The following GAB1 variants were observed in gnomAD, a reference collection of about 807,000 sequenced individuals.
The protein encoded by GAB1 is GRB2-associated-binding protein 1.
A neutral mutation model predicts 66.5 loss-of-function variants in GAB1; 19 were observed. That is an observed-to-expected ratio of 0.29 (90% confidence interval 0.20 to 0.42). GAB1 has a LOEUF of 0.42. Among genes scored for constraint, GAB1 ranks in the 10% least tolerant of loss-of-function variants. The pLI is 1.00. For synonymous variants in GAB1, 294 were observed against 301.4 expected, an observed-to-expected ratio of 0.98 and a Z score of 0.25; for missense variants, 732 against 858.5, an observed-to-expected ratio of 0.85 and a Z score of 1.84.
intron 1 of GAB1, chr4:143,395,777 C>G (rs1347445136): frequency 2.5e-6 from 1 of 403,630 alleles, no homozygotes; most frequent in East Asian, 7.2e-5. Flanking sequence ...ATGCTGTGCC[C>G]CTTCTTTTAA....
At position 143,440,072 on chromosome 4, in the gene GAB1, G is replaced by A; in HGVS notation, c.1282-7G>A. 1 of 1,609,826 alleles carries A rather than the reference G, an allele frequency of 6.2e-7. No homozygotes were observed. Among genetic ancestry groups the A allele is most frequent in the Non-Finnish European group, 8.5e-7 (1 of 1,177,504 alleles). The stretch of plus-strand genomic sequence containing the variant: ...TGTTTATTAAAAGAAATATATATGT[G>A]TTTTAGAAAGTCAAAAATGTGTTGA... On this transcript the variant is annotated splice_region_variant and splice_polypyrimidine_tract_variant and intron_variant, in intron 5 of 9. Transcript: ENST00000262994.
intron 8 of GAB1, among the ~76,000 whole-genome samples, chr4:143,461,905 A>T (rs895987564): frequency 6.6e-6 from 1 of 152,214 alleles, no homozygotes; most frequent in African/African-American, 2.4e-5. Context: ...GTCAGGAAAC[A>T]TAATTCAGTG....
chr4:143,364,183 C>T (rs375932274), intron 1 of GAB1, among the ~76,000 whole-genome samples: 3 of 145,644 alleles, frequency 2.1e-5, no homozygotes, highest in East Asian at 4.0e-4. Context: ...AGGGAAACTT[C>T]GTCTCCAAAA....
intron 1 of GAB1, among the ~76,000 whole-genome samples, chr4:143,348,828 T>G (rs184077871): frequency 6.6e-6 from 1 of 152,226 alleles, no homozygotes; most frequent in Non-Finnish European, 1.5e-5. Flanking sequence ...TCAGCTATAC[T>G]GAACTTTCAT....
intron 1 of GAB1, among the ~76,000 whole-genome samples, chr4:143,340,505 G>T (rs1048145285): frequency 6.6e-6 from 1 of 151,794 alleles, no homozygotes; most frequent in African/African-American, 2.4e-5. Flanking sequence ...AATTGTTTTA[G>T]TTTTTTTTAA....
At position 143,413,824 on chromosome 4, in the gene GAB1, C is replaced by CCTTTTTTTTTTTTTT. The variant is rs61697817; in HGVS notation, c.73-1653_73-1652insCTTTTTTTTTTTTTT. Among the ~76,000 whole-genome samples the CCTTTTTTTTTTTTTT allele has an allele frequency of 1.6e-4, 11 of 67,828 alleles. 1 individual carries two copies. Among genetic ancestry groups the CCTTTTTTTTTTTTTT allele is most frequent in the African/African-American group, 1.0e-3 (11 of 10,620 alleles). 44.5% of individuals were successfully genotyped at this position (67,828 alleles called of 152,430 possible). On this transcript the variant is annotated intron_variant, in intron 1 of 9. Coordinates refer to ENST00000262994, the MANE Select transcript of GAB1 (RefSeq NM_002039.4). ...AGAGCATCCCCACCACCCCGCTGCCCTTTTTTTTTTTTTTTTTTTTTTTTG... is the reference window on the plus strand; with the variant it reads ...AGAGCATCCCCACCACCCCGCTGCCCCTTTTTTTTTTTTTTTTTTTTTTTTTTTTTTTTTTTTTTG...
chr4:143,431,114 TACACAG>T (rs1242559648), intron 2 of GAB1, among the ~76,000 whole-genome samples: 1 of 152,106 alleles, frequency 6.6e-6, no homozygotes, highest in African/African-American at 2.4e-5. Flanking sequence ...CATATATAGC[TACACAG>T]ACAGGCAGAA....
chr4:143,440,622 G>A (rs891079628), intron 6 of GAB1, among the ~76,000 whole-genome samples: 2 of 152,176 alleles, frequency 1.3e-5, no homozygotes, highest in Non-Finnish European at 2.9e-5. Flanking sequence ...GTTACAAGCT[G>A]AAATACTCAC....
Position 143,472,214 on chromosome 4 carries a change from A to G in GAB1, c.*3025A>G, listed in dbSNP as rs1281175242. 1.3e-5 allele frequency: 2 copies of G among 152,172 alleles called. No homozygotes were observed. The highest frequency in any genetic ancestry group is 2.9e-5 in the Non-Finnish European group (2 of 68,006). 9.4% of individuals were successfully genotyped at this position (152,172 alleles called of 1,614,324 possible). Reference sequence around the variant, plus strand: ...ATACATCTTTATCATTATCAATACTATATAAGTTACTGTGAGCATTTTAGA... The same window carrying G: ...ATACATCTTTATCATTATCAATACTGTATAAGTTACTGTGAGCATTTTAGA... On this transcript the variant is annotated 3_prime_UTR_variant, in exon 10 of 10. Coordinates refer to ENST00000262994, the MANE Select transcript of GAB1 (RefSeq NM_002039.4).
At chr4:143,464,962 A>G in intron 8 of GAB1, among the ~76,000 whole-genome samples, 1 of 152,362 alleles carries the variant, frequency 6.6e-6, no homozygotes, top group South Asian at 2.1e-4. Flanking sequence ...CATAACATGT[A>G]TAAATTTTTA....
chr4:143,343,203 G>C (rs548984126), intron 1 of GAB1, among the ~76,000 whole-genome samples: 1 of 152,132 alleles, frequency 6.6e-6, no homozygotes, highest in Admixed American at 6.5e-5. Flanking sequence ...GCAGTTTAGC[G>C]TTCCTCTTCT....
At chr4:143,370,767 C>T (rs966440778) in intron 1 of GAB1, among the ~76,000 whole-genome samples, 1 of 152,178 alleles carries the variant, frequency 6.6e-6, no homozygotes, top group Non-Finnish European at 1.5e-5. Flanking sequence ...TCTCATTGTT[C>T]AGTTCCCACC....
At chr4:143,428,443 A>G (rs1733479067) in intron 2 of GAB1, among the ~76,000 whole-genome samples, 1 of 152,216 alleles carries the variant, frequency 6.6e-6, no homozygotes, top group African/African-American at 2.4e-5. Context: ...ATTTGGGTGC[A>G]TGGGACCTGG....
intron 1 of GAB1, among the ~76,000 whole-genome samples, chr4:143,404,890 T>G (rs547810571): frequency 6.6e-6 from 1 of 152,254 alleles, no homozygotes; most frequent in African/African-American, 2.4e-5. Context: ...TGTTGGCTAA[T>G]GGATCCTGTG....
chr4:143,356,621 C>T (rs1172423521), intron 1 of GAB1, among the ~76,000 whole-genome samples: 2 of 152,176 alleles, frequency 1.3e-5, no homozygotes, highest in South Asian at 2.1e-4. Flanking sequence ...AGTCAGTAAT[C>T]TCAGTTAGCA....
At chr4:143,455,307 C>T (rs1735124690) in intron 6 of GAB1, among the ~76,000 whole-genome samples, 1 of 152,122 alleles carries the variant, frequency 6.6e-6, no homozygotes, top group Non-Finnish European at 1.5e-5. Flanking sequence ...TCAGTTTCAG[C>T]TTCAGAAGGA....
At chr4:143,415,860 C>A in intron 2 of GAB1, 89 bp downstream of exon 2, 2 of 1,020,296 alleles carry the variant, frequency 2.0e-6, no homozygotes, top group Non-Finnish European at 2.9e-6. Flanking sequence ...ATTTTAGTTA[C>A]ACAATATAAT....
intron 1 of GAB1, among the ~76,000 whole-genome samples, chr4:143,386,394 T>G (rs1227578917): frequency 2.6e-5 from 4 of 152,114 alleles, no homozygotes; most frequent in Non-Finnish European, 1.5e-5. Flanking sequence ...TAAATAATAT[T>G]TTTTATTTTT....
At chr4:143,354,392 G>A (rs1283878553) in intron 1 of GAB1, among the ~76,000 whole-genome samples, 2 of 151,932 alleles carry the variant, frequency 1.3e-5, no homozygotes, top group South Asian at 2.1e-4. Context: ...GAAAACAAGT[G>A]TAAATGCTCT....
Sources: gnomAD v4.1 joint callset for allele counts (sites outside exome capture counted in the v4.1 genomes callset) on GRCh38, gnomAD v4.1.1 for gene constraint, MANE v1.5 for transcripts, NCBI Gene and HGNC (gene_info 2026-07-23, HGNC 2026-07-21) for gene names.